The following FAM149A variants were observed in gnomAD, a reference collection of about 807,000 sequenced individuals.
The protein encoded by FAM149A is family with sequence similarity 149 member A.
FAM149A carries 71 observed loss-of-function variants against 78.2 expected under a neutral mutation model. That is an observed-to-expected ratio of 0.91 (90% CI 0.75 to 1.11). FAM149A has a LOEUF of 1.11. FAM149A is among the 50% of genes least tolerant of loss of function. FAM149A has a pLI of 0.00. For synonymous variants in FAM149A, 446 were observed against 410.5 expected, an observed-to-expected ratio of 1.09 and a Z score of -1.04; for missense variants, 1,036 against 971.0, an observed-to-expected ratio of 1.07 and a Z score of -0.89.
intron 1 of FAM149A, 121 bp downstream of exon 1, chr4:186,105,763 AC>A: frequency 1.4e-5 from 9 of 653,538 alleles, no homozygotes; most frequent in Non-Finnish European, 1.7e-5. Flanking sequence ...AACTTTCATA[AC>A]CCCCTGGGCA....
chr4:186,162,538 G>A (rs1470499253), intron 8 of FAM149A, among the ~76,000 whole-genome samples: 3 of 152,174 alleles, frequency 2.0e-5, no homozygotes, highest in Admixed American at 2.0e-4. Context: ...GTCACCCTGG[G>A]CTGGTGGCGT....
intron 6 of FAM149A, chr4:186,154,866 T>A: frequency 9.1e-6 from 9 of 985,360 alleles, no homozygotes; most frequent in Non-Finnish European, 1.1e-5. Flanking sequence ...CAGACAAGGC[T>A]CCTCGCAGCC....
In FAM149A at chr4:186,117,498, G is replaced by C. The variant is rs147849037; in HGVS notation, c.566+11856G>C. 4.1e-6 allele frequency: 4 copies of C among 985,300 alleles called. No individual in the cohort carries two copies. The South Asian group carries it at 1.9e-4, about 46-fold the overall frequency. 61.0% of individuals were successfully genotyped at this position (985,300 alleles called of 1,614,324 possible). A position where few individuals can be genotyped will look rare whatever the true frequency, so the allele number is the denominator to read the frequency against. Reference sequence around the variant, plus strand: ...GATGCTGAACGAGGGGCGATGTCAGGGGTCTGAGTTCTAAAGAATGTCCAA... The same window carrying C: ...GATGCTGAACGAGGGGCGATGTCAGCGGTCTGAGTTCTAAAGAATGTCCAA... On this transcript the variant is annotated intron_variant, in intron 1 of 13. Transcript: ENST00000389354.
At chr4:186,135,439 G>C (rs1163235804) in intron 1 of FAM149A, among the ~76,000 whole-genome samples, 1 of 152,074 alleles carries the variant, frequency 6.6e-6, no homozygotes, top group Non-Finnish European at 1.5e-5. Context: ...TGAAGTCACC[G>C]GAAACCATGA....
chr4:186,149,327 C>T (rs768953893), intron 2 of FAM149A, 44 bp downstream of exon 2: 17 of 1,267,838 alleles, frequency 1.3e-5, no homozygotes, highest in South Asian at 1.1e-4. Context: ...ACAAAATGCC[C>T]GTAACAAATG....
chr4:186,138,871 G>T (rs1272842215), intron 1 of FAM149A, among the ~76,000 whole-genome samples: 2 of 152,088 alleles, frequency 1.3e-5, no homozygotes, highest in Non-Finnish European at 2.9e-5. Context: ...GTCACCCCCT[G>T]CTTCCATACT....
intron 1 of FAM149A, chr4:186,130,263 A>ATCTCTCTCTCCCTC (rs1554068049): frequency 1.0e-4 from 7 of 67,098 alleles, no homozygotes; most frequent in African/African-American, 3.2e-4. Context: ...ACTTTATGAA[A>ATCTCTCTCTCCCTC]TCTCTCTCTC....
intron 1 of FAM149A, chr4:186,126,820 G>A: frequency 1.1e-6 from 1 of 904,872 alleles, no homozygotes; most frequent in Non-Finnish European, 1.3e-6. Context: ...TAAATCTCCT[G>A]GTGTATGTCT....
At chr4:186,142,368 T>C (rs941976897) in intron 1 of FAM149A, among the ~76,000 whole-genome samples, 1 of 152,186 alleles carries the variant, frequency 6.6e-6, no homozygotes, top group African/African-American at 2.4e-5. Flanking sequence ...TACGCGGACA[T>C]GCTTTAGATG....
chr4:186,139,525 A>G (rs2099324939), intron 1 of FAM149A, among the ~76,000 whole-genome samples: 1 of 152,176 alleles, frequency 6.6e-6, no homozygotes, highest in Non-Finnish European at 1.5e-5. Context: ...GGCACCATCT[A>G]GGAAGCATGG....
intron 8 of FAM149A, chr4:186,158,119 C>T: frequency 1.5e-6 from 2 of 1,309,200 alleles, no homozygotes; most frequent in South Asian, 1.2e-5. Flanking sequence ...TGCTGAGGTC[C>T]CTGTCTTGCT....
chr4:186,167,511 C>CA lies in FAM149A; in HGVS notation c.2218+270dup, dbSNP rs55700071. 2.7e-3 allele frequency: 756 copies of CA among 279,530 alleles called. 2 individuals are homozygous for CA. Among genetic ancestry groups the CA allele is most frequent in the Admixed American group, 0.012 (261 of 21,346 alleles). The allele number at this position is 279,530 out of a possible 1,614,324, so 17.3% of individuals were successfully genotyped here. A position where few individuals can be genotyped will look rare whatever the true frequency, so the allele number is the denominator to read the frequency against. ...CTCTCAATGAACTGGGGGCCTCACT[C>CA]AAAAAAAAAAAAAAAAAAAAATGCT... On this transcript the variant is annotated intron_variant, in intron 13 of 13. Transcript: ENST00000389354.
chr4:186,170,593 C>T (rs1579945639), intron 13 of FAM149A, among the ~76,000 whole-genome samples: 1 of 152,322 alleles, frequency 6.6e-6, no homozygotes, highest in African/African-American at 2.4e-5. Context: ...GCACTCGGGA[C>T]CAGCACTGAG....
intron 1 of FAM149A, among the ~76,000 whole-genome samples, chr4:186,136,217 T>C (rs2099322625): frequency 6.6e-6 from 1 of 152,234 alleles, no homozygotes; most frequent in Non-Finnish European, 1.5e-5. Context: ...CTTCATAGAA[T>C]ATGTTTGGAT....
intron 1 of FAM149A, among the ~76,000 whole-genome samples, chr4:186,133,834 TTC>T (rs1208769262): frequency 6.6e-6 from 1 of 152,124 alleles, no homozygotes; most frequent in East Asian, 1.9e-4. Context: ...TTTTTAAATT[TTC>T]TGTAGAGACA....
rs1190822291 is a variant in FAM149A, at chr4:186,164,599, G to A, written c.1890-745G>A. 1.8e-6 allele frequency: 1 copy of A among 557,360 alleles called. No individual in the cohort carries two copies. Among genetic ancestry groups the A allele is most frequent in the African/African-American group, 2.0e-5 (1 of 48,830 alleles). The allele number at this position is 557,360 out of a possible 1,614,324, so 34.5% of individuals were successfully genotyped here. A position where few individuals can be genotyped will look rare whatever the true frequency, so the allele number is the denominator to read the frequency against. ...GGGTCTGCTGTGCTGATTCCTTCGA[G>A]ATCCCTCTCCCTCCTCCGCCTCGCT... On this transcript the variant is annotated intron_variant, in intron 10 of 13. Coordinates refer to ENST00000389354, the MANE Select transcript of FAM149A (RefSeq NM_001367768.3). This position sits in a 1 kb window ranked among gnomAD's most constrained non-coding sequence, Gnocchi z 4.0.
intron 8 of FAM149A, among the ~76,000 whole-genome samples, chr4:186,160,376 C>A (rs533926320): frequency 5.6e-5 from 8 of 143,206 alleles, no homozygotes; most frequent in African/African-American, 1.8e-4. Context: ...ATACCACATA[C>A]ACACACACCA....
intron 5 of FAM149A, among the ~76,000 whole-genome samples, chr4:186,154,112 G>A (rs559618588): frequency 6.6e-6 from 1 of 152,304 alleles, no homozygotes; most frequent in East Asian, 1.9e-4. Flanking sequence ...CCAGGCGGTG[G>A]CAGCAGGAGA....
intron 7 of FAM149A, among the ~76,000 whole-genome samples, chr4:186,156,998 C>A (rs1022383222): frequency 1.3e-5 from 2 of 152,172 alleles, no homozygotes; most frequent in Non-Finnish European, 2.9e-5. Flanking sequence ...GGAAAACACA[C>A]AGATACACAA....
Sources: gnomAD v4.1 joint callset for allele counts (sites outside exome capture counted in the v4.1 genomes callset) on GRCh38, gnomAD v4.1.1 for gene constraint, Gnocchi (gnomAD v3.1) non-coding constraint, MANE v1.5 for transcripts, NCBI Gene and HGNC (gene_info 2026-07-23, HGNC 2026-07-21) for gene names.